The following CDIN1 variants were observed in gnomAD, a reference collection of about 807,000 sequenced individuals.
The protein encoded by CDIN1 is CDAN1-interacting nuclease 1.
A neutral mutation model predicts 45.3 loss-of-function variants in CDIN1; 33 were observed. The observed-to-expected ratio is 0.73, with a 90% CI of 0.55 to 0.97. The LOEUF is 0.97. Ranked by LOEUF, CDIN1 falls within the 50% of genes least tolerant of loss-of-function variation. CDIN1 has a pLI of 0.00. For synonymous variants in CDIN1, 118 were observed against 124.4 expected (o/e 0.95, Z 0.34); for missense variants, 303 against 339.4 (o/e 0.89, Z 0.84).
intron 10 of CDIN1, among the ~76,000 whole-genome samples, chr15:36,802,002 C>A (rs1289599076): frequency 6.6e-6 from 1 of 152,082 alleles, no homozygotes; most frequent in African/African-American, 2.4e-5. Context: ...TGCTTCTGGA[C>A]CCCTGCTTGC....
intron 10 of CDIN1, among the ~76,000 whole-genome samples, chr15:36,805,339 A>C (rs1466451617): frequency 2.6e-5 from 4 of 152,164 alleles, no homozygotes; most frequent in African/African-American, 9.7e-5. Context: ...GGAGGGCTGC[A>C]ATCTCAGTAG....
chr15:36,658,901 T>C (rs2040881178), intron 5 of CDIN1, among the ~76,000 whole-genome samples: 1 of 152,214 alleles, frequency 6.6e-6, no homozygotes, highest in Non-Finnish European at 1.5e-5. Flanking sequence ...AATTAAGTAC[T>C]TCCCCTAAAA....
chr15:36,738,765 C>G (rs950852537), intron 10 of CDIN1, among the ~76,000 whole-genome samples: 3 of 152,160 alleles, frequency 2.0e-5, no homozygotes, highest in East Asian at 3.9e-4. Context: ...ATAATCCTTA[C>G]CTCCTAAAAT....
At chr15:36,727,021 G>C (rs1031420463) in intron 10 of CDIN1, among the ~76,000 whole-genome samples, 1 of 151,904 alleles carries the variant, frequency 6.6e-6, no homozygotes, top group Non-Finnish European at 1.5e-5. Context: ...CAGGTTCCTG[G>C]CCTTCTTTTA....
At chr15:36,627,109 C>T (rs956176241) in intron 1 of CDIN1, 1 of 181,256 alleles carries the variant, frequency 5.5e-6, no homozygotes, top group Non-Finnish European at 1.2e-5. Context: ...CCTTGTAGTA[C>T]ACGAGCAGGC....
intron 8 of CDIN1, among the ~76,000 whole-genome samples, chr15:36,703,998 C>T (rs2042772296): frequency 6.6e-6 from 1 of 152,174 alleles, no homozygotes; most frequent in Non-Finnish European, 1.5e-5. Flanking sequence ...ACCCTCCCTA[C>T]AACCTGTCCT....
intron 1 of CDIN1, among the ~76,000 whole-genome samples, chr15:36,608,244 A>G (rs1475359388): frequency 3.9e-5 from 6 of 152,248 alleles, no homozygotes; most frequent in Non-Finnish European, 7.3e-5. Flanking sequence ...TTGAGGAACC[A>G]TAAAACTAGT....
intron 1 of CDIN1, among the ~76,000 whole-genome samples, chr15:36,587,813 C>T (rs954909310): frequency 7.9e-5 from 12 of 152,194 alleles, no homozygotes; most frequent in East Asian, 1.9e-4. Context: ...TGAAGTCCGA[C>T]GGCTAGGAAG....
chr15:36,631,579 A>G (rs1317684616), intron 1 of CDIN1, among the ~76,000 whole-genome samples: 1 of 152,214 alleles, frequency 6.6e-6, no homozygotes, highest in Non-Finnish European at 1.5e-5. Flanking sequence ...AGCATATATC[A>G]GTACTTCATT....
chr15:36,661,331 C>A (rs573939435), intron 5 of CDIN1, among the ~76,000 whole-genome samples: 1 of 152,172 alleles, frequency 6.6e-6, no homozygotes, highest in South Asian at 2.1e-4. Flanking sequence ...TGAACCCTAC[C>A]CCACTCAGTA....
intron 1 of CDIN1, among the ~76,000 whole-genome samples, chr15:36,580,587 T>TC (rs1247667912): frequency 1.3e-5 from 2 of 152,144 alleles, no homozygotes; most frequent in Non-Finnish European, 2.9e-5. Context: ...TCATACTTCC[T>TC]CCCCCAAACA....
At chr15:36,791,749 T>C (rs1194233416) in intron 10 of CDIN1, among the ~76,000 whole-genome samples, 1 of 152,140 alleles carries the variant, frequency 6.6e-6, no homozygotes, top group Non-Finnish European at 1.5e-5. Context: ...TTAAAAGTGA[T>C]CATCGATGTG....
chr15:36,706,724 T>C (rs2042879967), intron 8 of CDIN1: 2 of 152,100 alleles, frequency 1.3e-5, no homozygotes, highest in Non-Finnish European at 2.9e-5. Context: ...GATGAACATG[T>C]AGAACAGACA....
rs1334634682 is a variant in CDIN1, at chr15:36,809,661, C to G, written c.*1208C>G. ...TGCCCCCGCCACCCTGCCATGCTGA[C>G]ATAACAACTTTTATAATGTTGAATA... is the stretch of plus-strand genomic sequence containing the variant. On this transcript the variant is annotated 3_prime_UTR_variant, in exon 11 of 11. Coordinates refer to ENST00000566621, the MANE Select transcript of CDIN1 (RefSeq NM_001321759.2). 1 of 152,118 alleles carries G rather than the reference C, an allele frequency of 6.6e-6. No homozygotes were observed. Among genetic ancestry groups the G allele is most frequent in the Non-Finnish European group, 1.5e-5 (1 of 68,014 alleles). 9.4% of individuals were successfully genotyped at this position (152,118 alleles called of 1,614,324 possible).
intron 1 of CDIN1, among the ~76,000 whole-genome samples, chr15:36,589,565 G>T (rs1189178582): frequency 6.6e-6 from 1 of 151,830 alleles, no homozygotes; most frequent in Non-Finnish European, 1.5e-5. Context: ...GAGTGCAGTG[G>T]CGCCATCTCG....
At chr15:36,686,928 AAAGGAAGG>A (rs917065716) in intron 5 of CDIN1, among the ~76,000 whole-genome samples, 1 of 143,332 alleles carries the variant, frequency 7.0e-6, no homozygotes, top group Non-Finnish European at 1.5e-5. Context: ...GGAAGGAAGA[AAAGGAAGG>A]AAGGAAGGAA....
At chr15:36,737,382 T>G in intron 10 of CDIN1, among the ~76,000 whole-genome samples, 1 of 152,162 alleles carries the variant, frequency 6.6e-6, no homozygotes, top group Non-Finnish European at 1.5e-5. Flanking sequence ...TTGGAAAATA[T>G]TAACTAATCT....
At chr15:36,603,530 AG>A (rs1225922629) in intron 1 of CDIN1, among the ~76,000 whole-genome samples, 4 of 152,126 alleles carry the variant, frequency 2.6e-5, no homozygotes, top group Admixed American at 6.5e-5. Flanking sequence ...GTAGTGATGG[AG>A]GGGGTTGGAG....
In CDIN1 at chr15:36,797,717, T is replaced by G. The variant is rs188780608; in HGVS notation, c.717-10607T>G. Among the ~76,000 whole-genome samples, 226 of 152,224 alleles carry G rather than the reference T, an allele frequency of 1.5e-3. 2 individuals are homozygous for G. Among genetic ancestry groups the G allele is most frequent in the Admixed American group, 0.012 (184 of 15,288 alleles). The stretch of plus-strand genomic sequence containing the variant: ...TTCCGTGGCCAGGCATGGTGGCTCA[T>G]GCCTGTAATCCCAGCACTTTGGGGG... On this transcript the variant is annotated intron_variant, in intron 10 of 10. Coordinates refer to ENST00000566621, the MANE Select transcript of CDIN1 (RefSeq NM_001321759.2).
Sources: gnomAD v4.1 joint callset for allele counts (sites outside exome capture counted in the v4.1 genomes callset) on GRCh38, gnomAD v4.1.1 for gene constraint, MANE v1.5 for transcripts, NCBI Gene and HGNC (gene_info 2026-07-23, HGNC 2026-07-21) for gene names.